SGCD: variants seen among roughly 807,000 people sequenced by gnomAD.
SGCD encodes delta-sarcoglycan.
A neutral mutation model predicts 36.6 loss-of-function variants in SGCD; 18 were observed. That is an observed-to-expected ratio of 0.49 (90% CI 0.34 to 0.73). The LOEUF is 0.73. Among genes scored for constraint, SGCD ranks in the 30% least tolerant of loss-of-function variants. The pLI is 0.01. For missense variants in SGCD, 387 were observed against 346.7 expected, an observed-to-expected ratio of 1.12 and a Z score of -0.92; for synonymous variants, 133 against 130.6, an observed-to-expected ratio of 1.02 and a Z score of -0.12.
intron 7 of SGCD, among the ~76,000 whole-genome samples, chr5:156,686,659 C>G (rs534193729): frequency 2.0e-5 from 3 of 152,332 alleles, no homozygotes; most frequent in African/African-American, 7.2e-5. Context: ...GACAAAGCAG[C>G]AGCTGATTAT....
chr5:156,483,007 C>T (rs1467480489), intron 3 of SGCD, among the ~76,000 whole-genome samples: 2 of 151,892 alleles, frequency 1.3e-5, no homozygotes, highest in African/African-American at 4.8e-5. Context: ...GTTTGTTCCC[C>T]CACTCCCCCT....
chr5:156,204,422 G>A (rs1459848321), intron 3 of SGCD, among the ~76,000 whole-genome samples: 1 of 150,490 alleles, frequency 6.6e-6, no homozygotes, highest in Non-Finnish European at 1.5e-5. Flanking sequence ...ATATATATAA[G>A]GTATCCTAGT....
At chr5:156,073,047 A>G (rs187605462) in intron 1 of SGCD, among the ~76,000 whole-genome samples, 46 of 152,160 alleles carry the variant, frequency 3.0e-4, no homozygotes, top group Admixed American at 5.2e-4. Flanking sequence ...TTTTTTTCAA[A>G]GTTTTCAACT....
chr5:156,140,580 T>G (rs73811413), intron 3 of SGCD, among the ~76,000 whole-genome samples: 14 of 152,210 alleles, frequency 9.2e-5, no homozygotes, highest in African/African-American at 3.4e-4. Flanking sequence ...ACTAGGAAAT[T>G]TAGTGGAGAA....
intron 7 of SGCD, among the ~76,000 whole-genome samples, chr5:156,685,506 G>C (rs1307139598): frequency 1.3e-5 from 2 of 152,152 alleles, no homozygotes; most frequent in African/African-American, 4.8e-5. Context: ...CCATAGAGTA[G>C]AAAGGGCCAT....
At chr5:156,203,599 A>G (rs989028409) in intron 3 of SGCD, among the ~76,000 whole-genome samples, 4 of 152,174 alleles carry the variant, frequency 2.6e-5, no homozygotes, top group Non-Finnish European at 5.9e-5. Context: ...GCTTTATACT[A>G]TGGAAATAAA....
rs559132961 is a variant in SGCD, at chr5:155,996,823, T to G, written c.-281-121055T>G. Among the ~76,000 whole-genome samples the G allele has an allele frequency of 2.2e-3, 311 of 143,598 alleles. 4 individuals are homozygous for G. The highest frequency in any genetic ancestry group is 7.6e-3 in the African/African-American group (296 of 38,786). 94.2% of individuals were successfully genotyped at this position (143,598 alleles called of 152,430 possible). Reference sequence around the variant, plus strand: ...AAAAATAAAAATAATTTTTAAAAAATCAAAGGCTGCCAAATGGTAAATCTG... The same window carrying G: ...AAAAATAAAAATAATTTTTAAAAAAGCAAAGGCTGCCAAATGGTAAATCTG... On this transcript the variant is annotated intron_variant, in intron 1 of 9. Transcript: ENST00000517913.
intron 7 of SGCD, among the ~76,000 whole-genome samples, chr5:156,651,815 A>G (rs1334070045): frequency 1.3e-5 from 2 of 150,940 alleles, no homozygotes; most frequent in South Asian, 4.2e-4. Flanking sequence ...TTTTTTTTCT[A>G]ATTCTGTGAA....
intron 3 of SGCD, chr5:156,393,610 T>G (rs1005047904): frequency 2.2e-5 from 9 of 410,166 alleles, no homozygotes; most frequent in African/African-American, 1.2e-4. Flanking sequence ...TGAAGTCATG[T>G]TAATAGGTTG....
chr5:156,165,915 T>A (rs2127620016), intron 3 of SGCD, among the ~76,000 whole-genome samples: 1 of 152,366 alleles, frequency 6.6e-6, no homozygotes, highest in East Asian at 1.9e-4. Context: ...CAAATTTTGT[T>A]TGAAGTTTTT....
chr5:156,027,759 A>G (rs914434951), intron 1 of SGCD, among the ~76,000 whole-genome samples: 1 of 152,332 alleles, frequency 6.6e-6, no homozygotes, highest in East Asian at 1.9e-4. Flanking sequence ...AAATAATTCT[A>G]CTGCTACTTA....
the SGCD span, among the ~76,000 whole-genome samples, chr5:155,730,633 C>T: frequency 6.6e-6 from 1 of 152,090 alleles, no homozygotes; most frequent in African/African-American, 2.4e-5. Flanking sequence ...ACACACTTGG[C>T]GCTGCCACAT....
At chr5:156,674,657 GA>G (rs752784289) in intron 7 of SGCD, among the ~76,000 whole-genome samples, 2 of 152,154 alleles carry the variant, frequency 1.3e-5, no homozygotes, top group Non-Finnish European at 2.9e-5. Context: ...GCTCTCATAT[GA>G]AGATTCTAAG....
At chr5:155,852,137 T>C in the SGCD span, among the ~76,000 whole-genome samples, 1 of 152,198 alleles carries the variant, frequency 6.6e-6, no homozygotes, top group Non-Finnish European at 1.5e-5. Context: ...TCCATCAACA[T>C]TGATATAAAA....
intron 6 of SGCD, among the ~76,000 whole-genome samples, chr5:156,616,795 G>C (rs1395882197): frequency 6.6e-6 from 1 of 152,122 alleles, no homozygotes; most frequent in Non-Finnish European, 1.5e-5. Flanking sequence ...GTCAACTATA[G>C]ACTGCCAAAT....
At chr5:156,242,359 A>C (rs1581190605) in intron 3 of SGCD, among the ~76,000 whole-genome samples, 2 of 152,164 alleles carry the variant, frequency 1.3e-5, no homozygotes, top group Non-Finnish European at 2.9e-5. Context: ...GTGTGGCTGT[A>C]AAAAGGACAC....
chr5:156,302,113 T>C (rs913524262), intron 3 of SGCD, among the ~76,000 whole-genome samples: 17 of 152,182 alleles, frequency 1.1e-4, no homozygotes, highest in African/African-American at 3.9e-4. Context: ...TATCTTCTTC[T>C]CTATCTCCTC....
intron 7 of SGCD, among the ~76,000 whole-genome samples, chr5:156,732,250 G>A (rs1756117105): frequency 6.6e-6 from 1 of 152,004 alleles, no homozygotes. Context: ...TCCAGCTTTT[G>A]CCCATTCAGT....
the SGCD span, among the ~76,000 whole-genome samples, chr5:155,737,189 ATCT>A: frequency 4.6e-5 from 7 of 152,226 alleles, no homozygotes; most frequent in Non-Finnish European, 1.0e-4. Flanking sequence ...CTTGGAGAAT[ATCT>A]TCTTCTATGG....
Sources: allele counts gnomAD v4.1 joint callset (sites outside exome capture counted in the v4.1 genomes callset), GRCh38; gene constraint gnomAD v4.1.1; transcripts MANE v1.5; gene names NCBI Gene and HGNC (gene_info 2026-07-23, HGNC 2026-07-21).